Variants in TMEM232 observed in about 807,000 individuals in gnomAD.
TMEM232 encodes the protein transmembrane protein 232.
Under a neutral mutation model 78.8 loss-of-function variants are expected in TMEM232, and 80 were observed. The observed-to-expected ratio is 1.01, with a 90% confidence interval of 0.85 to 1.22. TMEM232 has a LOEUF of 1.22. TMEM232 is among the 50% of genes most tolerant of loss of function. TMEM232 has a pLI of 0.00. For synonymous variants in TMEM232, 297 were observed against 254.3 expected (o/e 1.17, Z -1.60); for missense variants, 881 against 742.2 (o/e 1.19, Z -2.17).
intron 1 of TMEM232, among the ~76,000 whole-genome samples, chr5:110,681,524 G>C (rs1316945190): frequency 6.6e-6 from 1 of 152,200 alleles, no homozygotes; most frequent in Non-Finnish European, 1.5e-5. Flanking sequence ...TAGGGTGTCA[G>C]TGAATGATAG....
chr5:110,390,582 G>C (rs1313908310), exon 4 of TMEM232: 2 of 152,192 alleles, frequency 1.3e-5, no homozygotes, highest in Non-Finnish European at 2.9e-5. Flanking sequence ...AGGATCGTAT[G>C]ATGGGTGATG....
chr5:110,672,244 C>T (rs1214390132), intron 1 of TMEM232, among the ~76,000 whole-genome samples: 1 of 152,116 alleles, frequency 6.6e-6, no homozygotes, highest in Non-Finnish European at 1.5e-5. Context: ...TCCAAAGATT[C>T]CTCACATCTG....
chr5:110,465,792 G>C (rs1283508285), intron 12 of TMEM232, among the ~76,000 whole-genome samples: 1 of 152,202 alleles, frequency 6.6e-6, no homozygotes, highest in East Asian at 1.9e-4. Flanking sequence ...CTCCTACATG[G>C]AATATGCTAC....
At chr5:110,470,216 C>T (rs1224511402) in intron 12 of TMEM232, among the ~76,000 whole-genome samples, 2 of 152,074 alleles carry the variant, frequency 1.3e-5, no homozygotes, top group African/African-American at 4.8e-5. Flanking sequence ...CTTCTCTTCC[C>T]CAGGGACGGG....
chr5:110,455,895 C>A (rs1760844957), intron 12 of TMEM232, among the ~76,000 whole-genome samples: 1 of 152,060 alleles, frequency 6.6e-6, no homozygotes, highest in African/African-American at 2.4e-5. Flanking sequence ...TAATAAAATT[C>A]AATATTCATT....
At chr5:110,599,193 C>A (rs148296973) in intron 10 of TMEM232, among the ~76,000 whole-genome samples, 1 of 152,160 alleles carries the variant, frequency 6.6e-6, no homozygotes, top group Non-Finnish European at 1.5e-5. Flanking sequence ...AAAGGAAAGA[C>A]CAGTACCAGC....
chr5:110,626,662 A>AT (rs1346225537), intron 6 of TMEM232, among the ~76,000 whole-genome samples: 3 of 151,962 alleles, frequency 2.0e-5, no homozygotes, highest in Non-Finnish European at 4.4e-5. Context: ...ATAGTTCACA[A>AT]TTTTTGCCTT....
intron 2 of TMEM232, among the ~76,000 whole-genome samples, chr5:110,664,784 T>A (rs1790327923): frequency 6.6e-6 from 1 of 152,188 alleles, no homozygotes; most frequent in South Asian, 2.1e-4. Flanking sequence ...CCACTTCTTG[T>A]AAGGACACTA....
intron 12 of TMEM232, among the ~76,000 whole-genome samples, chr5:110,490,659 A>G (rs1764985452): frequency 6.6e-6 from 1 of 152,154 alleles, no homozygotes; most frequent in South Asian, 2.1e-4. Flanking sequence ...AATAGAATTG[A>G]GAGTCTAGAA....
intron 2 of TMEM232, among the ~76,000 whole-genome samples, chr5:110,403,459 C>T (rs190422297): frequency 9.9e-5 from 15 of 152,094 alleles, no homozygotes; most frequent in South Asian, 4.2e-4. Context: ...TGTGCAGCTT[C>T]GGCTATCCAT....
intron 10 of TMEM232, among the ~76,000 whole-genome samples, chr5:110,582,949 A>G (rs1288678772): frequency 6.6e-6 from 1 of 152,020 alleles, no homozygotes; most frequent in African/African-American, 2.4e-5. Flanking sequence ...AATAAATTTA[A>G]GCAAATTAGT....
At chr5:110,663,544 C>T (rs991278141) in intron 2 of TMEM232, among the ~76,000 whole-genome samples, 28 of 151,642 alleles carry the variant, frequency 1.8e-4, no homozygotes, top group African/African-American at 6.8e-4. Context: ...AAAAAAAACA[C>T]TAAAACTGTA....
intron 10 of TMEM232, among the ~76,000 whole-genome samples, chr5:110,595,843 A>G (rs1780091909): frequency 1.3e-5 from 2 of 152,190 alleles, no homozygotes; most frequent in Admixed American, 1.3e-4. Flanking sequence ...CCAAGTTGGA[A>G]AACACACTTC....
intron 1 of TMEM232, among the ~76,000 whole-genome samples, chr5:110,672,095 T>C (rs1425206068): frequency 1.3e-5 from 2 of 152,194 alleles, no homozygotes; most frequent in East Asian, 3.8e-4. Flanking sequence ...TCATGTACAT[T>C]ATGTTAGGCA....
intron 12 of TMEM232, among the ~76,000 whole-genome samples, chr5:110,481,671 T>G (rs1237224816): frequency 6.6e-6 from 1 of 152,158 alleles, no homozygotes; most frequent in Non-Finnish European, 1.5e-5. Flanking sequence ...TTTCAAAATA[T>G]AAAAGCATAC....
At chr5:110,421,043 C>T (rs556268357) in intron 13 of TMEM232, among the ~76,000 whole-genome samples, 4 of 150,894 alleles carry the variant, frequency 2.7e-5, no homozygotes, top group South Asian at 2.1e-4. Context: ...AATGGTTTTA[C>T]GTTCTTCATC....
chr5:110,604,168 T>A (rs1781270464), intron 10 of TMEM232, among the ~76,000 whole-genome samples: 1 of 152,176 alleles, frequency 6.6e-6, no homozygotes, highest in South Asian at 2.1e-4. Flanking sequence ...GAAGTGAGAA[T>A]CACATACACA....
rs567284477 is a variant in TMEM232 at position 110,646,567 on chromosome 5, C to T, written c.126-4196G>A. Among the ~76,000 whole-genome samples, 24 of 151,782 alleles carry T rather than the reference C, an allele frequency of 1.6e-4. No individual in the cohort carries two copies. The South Asian group carries it at 5.0e-3, about 31-fold the overall frequency. ...AAATCAGTTCAAAATGATTTAAAGA[C>T]TTAAATGTAAGGCCTGAAACTGTAA... On this transcript the variant is annotated intron_variant, in intron 2 of 13. Coordinates refer to ENST00000455884, the MANE Select transcript of TMEM232 (RefSeq NM_001039763.4).
At chr5:110,516,646 A>C (rs1768703139) in intron 12 of TMEM232, among the ~76,000 whole-genome samples, 1 of 152,190 alleles carries the variant, frequency 6.6e-6, no homozygotes, top group Non-Finnish European at 1.5e-5. Flanking sequence ...ATCCAACAAC[A>C]TGTTCCACCA....
Sources: allele counts gnomAD v4.1 joint callset (sites outside exome capture counted in the v4.1 genomes callset), GRCh38; gene constraint gnomAD v4.1.1; transcripts MANE v1.5; gene names NCBI Gene and HGNC (gene_info 2026-07-23, HGNC 2026-07-21).